The following EYS variants were observed in gnomAD, a reference collection of about 807,000 sequenced individuals.
EYS encodes protein eyes shut homolog.
Under a neutral mutation model 282.1 loss-of-function variants are expected in EYS, and 250 were observed. The observed-to-expected ratio is 0.89, with a 90% CI of 0.80 to 0.98. EYS has a LOEUF of 0.98. Ranked by LOEUF, EYS falls within the 50% of genes least tolerant of loss-of-function variation. The pLI is 0.00. For missense variants in EYS, 4,016 were observed against 3,709.0 expected (o/e 1.08, Z -2.15); for synonymous variants, 1,355 against 1,282.9 (o/e 1.06, Z -1.20).
chr6:65,656,097 A>G (rs1767813429), intron 1 of EYS, among the ~76,000 whole-genome samples: 1 of 151,836 alleles, frequency 6.6e-6, no homozygotes, highest in Non-Finnish European at 1.5e-5. Context: ...CCATGCCCAT[A>G]TAAGATCACA....
chr6:65,064,190 A>C (rs1451742434), intron 12 of EYS, among the ~76,000 whole-genome samples: 1 of 143,518 alleles, frequency 7.0e-6, no homozygotes, highest in Non-Finnish European at 1.5e-5. Context: ...TAGTATATAT[A>C]GTATACTATA....
At chr6:64,475,154 T>C (rs1722503055) in intron 26 of EYS, among the ~76,000 whole-genome samples, 1 of 152,228 alleles carries the variant, frequency 6.6e-6, no homozygotes, top group Non-Finnish European at 1.5e-5. Flanking sequence ...CCAATGTCTC[T>C]CCTTAATTTG....
intron 14 of EYS, among the ~76,000 whole-genome samples, chr6:64,973,704 C>T (rs1770376349): frequency 6.6e-6 from 1 of 151,912 alleles, no homozygotes; most frequent in African/African-American, 2.4e-5. Context: ...TAAGTCTTTC[C>T]TAAGTCTTAA....
chr6:64,622,649 G>T (rs542512274), intron 23 of EYS, among the ~76,000 whole-genome samples: 1 of 152,080 alleles, frequency 6.6e-6, no homozygotes, highest in Non-Finnish European at 1.5e-5. Context: ...GTTAGATAAA[G>T]ACAAGAGTAT....
chr6:63,813,255 C>T (rs1771094354), intron 36 of EYS, among the ~76,000 whole-genome samples: 1 of 152,222 alleles, frequency 6.6e-6, no homozygotes, highest in Non-Finnish European at 1.5e-5. Flanking sequence ...GCTGGGATTA[C>T]AGGCATGAGC....
At chr6:64,687,913 G>T (rs1325475232) in intron 22 of EYS, among the ~76,000 whole-genome samples, 1 of 152,110 alleles carries the variant, frequency 6.6e-6, no homozygotes, top group Non-Finnish European at 1.5e-5. Flanking sequence ...GTTATTATTG[G>T]TCTGTTCAGG....
intron 22 of EYS, among the ~76,000 whole-genome samples, chr6:64,646,863 G>T (rs895546830): frequency 2.6e-5 from 4 of 151,578 alleles, no homozygotes; most frequent in Non-Finnish European, 5.9e-5. Context: ...TATTCCTCAT[G>T]AGCATAATAA....
chr6:64,684,685 A>G (rs1770026432), intron 22 of EYS, among the ~76,000 whole-genome samples: 1 of 152,078 alleles, frequency 6.6e-6, no homozygotes, highest in Admixed American at 6.6e-5. Context: ...GAAATATAGT[A>G]TGACAAGTTT....
At chr6:64,852,068 A>G (rs142279321) in intron 19 of EYS, among the ~76,000 whole-genome samples, 1 of 152,150 alleles carries the variant, frequency 6.6e-6, no homozygotes, top group South Asian at 2.1e-4. Context: ...CAATGTAGAC[A>G]GTAGTGGGTT....
At chr6:64,670,350 C>G (rs892300304) in intron 22 of EYS, among the ~76,000 whole-genome samples, 1 of 151,266 alleles carries the variant, frequency 6.6e-6, no homozygotes, top group Non-Finnish European at 1.5e-5. Flanking sequence ...GTCTACATTG[C>G]CTGATTAACT....
intron 33 of EYS, among the ~76,000 whole-genome samples, chr6:64,048,857 A>G (rs1358984562): frequency 6.6e-6 from 1 of 151,590 alleles, no homozygotes; most frequent in Non-Finnish European, 1.5e-5. Context: ...AGGTTTTCCA[A>G]TTATTCTGAC....
chr6:65,614,962 G>C (rs1766133065), intron 2 of EYS, among the ~76,000 whole-genome samples: 1 of 152,114 alleles, frequency 6.6e-6, no homozygotes, highest in African/African-American at 2.4e-5. Flanking sequence ...CAAAAGATGA[G>C]AGGTATGTTC....
intron 19 of EYS, among the ~76,000 whole-genome samples, chr6:64,826,976 A>G (rs1231304299): frequency 1.3e-5 from 2 of 151,740 alleles, no homozygotes; most frequent in Non-Finnish European, 2.9e-5. Flanking sequence ...CTGCTCTGAT[A>G]TTATCAAATA....
At chr6:65,315,481 C>T (rs1264199104) in intron 11 of EYS, among the ~76,000 whole-genome samples, 3 of 152,128 alleles carry the variant, frequency 2.0e-5, no homozygotes, top group Non-Finnish European at 2.9e-5. Flanking sequence ...AACTGTTACG[C>T]TCATTCTAAC....
intron 13 of EYS, among the ~76,000 whole-genome samples, chr6:65,006,409 C>T (rs541974930): frequency 1.4e-5 from 2 of 143,860 alleles, no homozygotes; most frequent in African/African-American, 2.6e-5. Flanking sequence ...TTCAGTCAGT[C>T]GGTAGGGACA....
At chr6:64,468,292 C>T (rs767576051) in intron 26 of EYS, among the ~76,000 whole-genome samples, 4 of 152,192 alleles carry the variant, frequency 2.6e-5, no homozygotes, top group East Asian at 1.9e-4. Flanking sequence ...AGAACTCACA[C>T]GAAGATTACA....
intron 2 of EYS, among the ~76,000 whole-genome samples, chr6:65,526,276 A>G (rs1767559066): frequency 6.6e-6 from 1 of 152,206 alleles, no homozygotes; most frequent in Non-Finnish European, 1.5e-5. Context: ...TCAATACATG[A>G]TATTTACAGA....
At chr6:64,257,241 T>A (rs1040640903) in intron 30 of EYS, among the ~76,000 whole-genome samples, 25 of 152,006 alleles carry the variant, frequency 1.6e-4, no homozygotes, top group African/African-American at 6.0e-4. Context: ...ACTTATACAA[T>A]AAAGCTTCGT....
At chr6:65,608,780 ACTTT>A (rs1765891351) in intron 2 of EYS, among the ~76,000 whole-genome samples, 1 of 151,998 alleles carries the variant, frequency 6.6e-6, no homozygotes, top group Admixed American at 6.6e-5. Flanking sequence ...TAGTTTCTAA[ACTTT>A]CTTGTTAAAA....
Sources: gnomAD v4.1 joint callset for allele counts (sites outside exome capture counted in the v4.1 genomes callset) on GRCh38, gnomAD v4.1.1 for gene constraint, MANE v1.5 for transcripts, NCBI Gene and HGNC (gene_info 2026-07-23, HGNC 2026-07-21) for gene names.